The following KIAA1217 variants were observed in gnomAD, a reference collection of about 807,000 sequenced individuals.
The protein encoded by KIAA1217 is KIAA1217.
Under a neutral mutation model 163.9 loss-of-function variants are expected in KIAA1217, and 88 were observed. The observed-to-expected ratio is 0.54, with a 90% CI of 0.45 to 0.64. KIAA1217 has a LOEUF of 0.64. Among genes scored for constraint, KIAA1217 ranks in the 30% least tolerant of loss-of-function variants. The pLI is 0.00. For missense variants in KIAA1217, 2,372 were observed against 2,475.0 expected (o/e 0.96, Z 0.88); for synonymous variants, 903 against 923.1 (o/e 0.98, Z 0.39).
chr10:24,339,614 C>T (rs1031826179), intron 2 of KIAA1217, among the ~76,000 whole-genome samples: 6 of 152,178 alleles, frequency 3.9e-5, no homozygotes, highest in Non-Finnish European at 8.8e-5. Context: ...CGTGTGTTTC[C>T]ACACTTAATT....
At chr10:24,191,587 C>T (rs2066721949) in intron 2 of KIAA1217, among the ~76,000 whole-genome samples, 1 of 151,852 alleles carries the variant, frequency 6.6e-6, no homozygotes, top group Non-Finnish European at 1.5e-5. Flanking sequence ...TCTGTACCCA[C>T]AAATATTAAA....
chr10:24,444,202 G>A (rs567421739), intron 5 of KIAA1217, among the ~76,000 whole-genome samples: 8 of 152,158 alleles, frequency 5.3e-5, no homozygotes, highest in Admixed American at 3.3e-4. Flanking sequence ...ACTAGAGACG[G>A]GGTTTCACCA....
At chr10:24,236,503 C>T (rs1292633195) in intron 2 of KIAA1217, among the ~76,000 whole-genome samples, 1 of 152,174 alleles carries the variant, frequency 6.6e-6, no homozygotes, top group Non-Finnish European at 1.5e-5. Flanking sequence ...CTCAGCCTCC[C>T]AAAGTGCTTG....
intron 1 of KIAA1217, among the ~76,000 whole-genome samples, chr10:23,996,014 G>T (rs1008279245): frequency 6.6e-5 from 10 of 152,242 alleles, no homozygotes; most frequent in Non-Finnish European, 1.3e-4. Flanking sequence ...ACAGATGATG[G>T]AAATATGCTT....
intron 2 of KIAA1217, among the ~76,000 whole-genome samples, chr10:24,046,768 T>G (rs780590227): frequency 6.6e-6 from 1 of 152,160 alleles, no homozygotes; most frequent in Non-Finnish European, 1.5e-5. Context: ...CACAGAGTTT[T>G]GAGTTATTTT....
At chr10:24,545,456 T>A in intron 20 of KIAA1217, 1 of 1,280,896 alleles carries the variant, frequency 7.8e-7, no homozygotes, top group Non-Finnish European at 9.9e-7. Flanking sequence ...ACGTCACCAC[T>A]ACTAACGTCT....
intron 2 of KIAA1217, among the ~76,000 whole-genome samples, chr10:24,373,340 A>G (rs1254166573): frequency 6.6e-6 from 1 of 152,064 alleles, no homozygotes; most frequent in Non-Finnish European, 1.5e-5. Flanking sequence ...CTTCCTGCGC[A>G]ATTAGGAACT....
At chr10:23,762,308 C>CACA (rs1834297926) in intron 1 of KIAA1217, among the ~76,000 whole-genome samples, 1 of 129,558 alleles carries the variant, frequency 7.7e-6, no homozygotes, top group Non-Finnish European at 1.6e-5. Flanking sequence ...CTGGAAGAGA[C>CACA]ACAACAAAAA....
At chr10:24,519,767 T>TTCTCCCTC (rs1225890137) in intron 10 of KIAA1217, among the ~76,000 whole-genome samples, 9 of 152,160 alleles carry the variant, frequency 5.9e-5, no homozygotes, top group African/African-American at 1.9e-4. Flanking sequence ...CTTTCTCTCT[T>TTCTCCCTC]TCTCCCTCTC....
chr10:23,896,648 C>G (rs1015645400), intron 1 of KIAA1217, among the ~76,000 whole-genome samples: 7 of 152,042 alleles, frequency 4.6e-5, no homozygotes, highest in African/African-American at 1.7e-4. Flanking sequence ...CCACTGCAGC[C>G]AGTTATTTTG....
intron 2 of KIAA1217, among the ~76,000 whole-genome samples, chr10:24,054,636 C>T (rs1374652103): frequency 6.6e-6 from 1 of 152,192 alleles, no homozygotes; most frequent in Non-Finnish European, 1.5e-5. Context: ...ATACATTACT[C>T]AATTACGAGG....
At chr10:24,448,095 A>G in intron 5 of KIAA1217, among the ~76,000 whole-genome samples, 1 of 152,096 alleles carries the variant, frequency 6.6e-6, no homozygotes, top group Middle Eastern at 3.2e-3. Context: ...ACACCACTGT[A>G]CTCCAGCCTG....
At chr10:23,766,594 C>CTTTTTTTCTTTTTTT (rs1834536510) in intron 1 of KIAA1217, among the ~76,000 whole-genome samples, 1 of 127,732 alleles carries the variant, frequency 7.8e-6, no homozygotes, top group African/African-American at 3.0e-5. Flanking sequence ...TTTCTTTTTT[C>CTTTTTTTCTTTTTTT]TTTTTTTTTT....
At chr10:24,289,186 C>T (rs1384362209) in intron 2 of KIAA1217, among the ~76,000 whole-genome samples, 54 of 152,146 alleles carry the variant, frequency 3.5e-4, no homozygotes, top group Non-Finnish European at 5.9e-5. Flanking sequence ...TTGCATTCAG[C>T]AACTGGGAGT....
chr10:24,204,239 A>G (rs1428796117), upstream of KIAA1217, among the ~76,000 whole-genome samples: 1 of 152,088 alleles, frequency 6.6e-6, no homozygotes, highest in Non-Finnish European at 1.5e-5. Flanking sequence ...ATCTCCTTGG[A>G]GCCACTGGAA....
chr10:24,217,031 CA>C (rs60303909), intron 1 of KIAA1217, among the ~76,000 whole-genome samples: 342 of 21,264 alleles, frequency 0.016, no homozygotes, highest in African/African-American at 0.062. Flanking sequence ...GACCTTGTCT[CA>C]AAAAAAAAAA....
chr10:23,723,573 C>A (rs1325961908), intron 1 of KIAA1217, among the ~76,000 whole-genome samples: 1 of 152,196 alleles, frequency 6.6e-6, no homozygotes, highest in Non-Finnish European at 1.5e-5. Flanking sequence ...ACTGCTTCAG[C>A]TCTAGTTTCC....
chr10:23,987,373 T>A (rs868088759), intron 1 of KIAA1217, among the ~76,000 whole-genome samples: 5 of 64,040 alleles, frequency 7.8e-5, no homozygotes, highest in East Asian at 4.1e-4. Flanking sequence ...CGAGACTCCA[T>A]CTCAAAAAAA....
chr10:23,842,187 A>G (rs1838819808), intron 1 of KIAA1217, among the ~76,000 whole-genome samples: 2 of 152,160 alleles, frequency 1.3e-5, no homozygotes, highest in South Asian at 2.1e-4. Context: ...CTTTCTTTAT[A>G]TCTGCATATC....
Sources: allele counts gnomAD v4.1 joint callset (sites outside exome capture counted in the v4.1 genomes callset), GRCh38; gene constraint gnomAD v4.1.1; transcripts MANE v1.5; gene names NCBI Gene and HGNC (gene_info 2026-07-23, HGNC 2026-07-21).